Variants in PADI4 observed in about 807,000 individuals in gnomAD.
PADI4 encodes the protein protein-arginine deiminase type-4.
In PADI4, 62 loss-of-function variants were observed where a neutral mutation model predicts 75.0. That is an observed-to-expected ratio of 0.83 (90% CI 0.67 to 1.02). The LOEUF is 1.02. PADI4 is among the 50% of genes least tolerant of loss of function. The pLI, the probability that PADI4 is intolerant of heterozygous loss-of-function variation, is 0.00. For synonymous variants in PADI4, 361 were observed against 348.1 expected (o/e 1.04, Z -0.41); for missense variants, 845 against 850.5 (o/e 0.99, Z 0.08).
chr1:17,361,026 G>A (rs1222297301), intron 15 of PADI4, among the ~76,000 whole-genome samples: 1 of 152,108 alleles, frequency 6.6e-6, no homozygotes, highest in Non-Finnish European at 1.5e-5. Flanking sequence ...GACTTCACCC[G>A]GTCCTACTGG....
Position 17,356,249 on chromosome 1 carries a change from T to G in PADI4, c.1456-108T>G. 1 of 1,308,796 alleles carries G rather than the reference T, an allele frequency of 7.6e-7. No homozygotes were observed. Among genetic ancestry groups the G allele is most frequent in the Non-Finnish European group, 1.1e-6 (1 of 942,210 alleles). The allele number at this position is 1,308,796 out of a possible 1,614,324, so 81.1% of individuals were successfully genotyped here. ...ACCCTTAGGATGGCAGTAGAGGAGG[T>G]GGCCAGCTTGGGTCCAAGTCCACAC... On this transcript the variant is annotated intron_variant, in intron 12 of 15. Coordinates refer to ENST00000375448, the MANE Select transcript of PADI4 (RefSeq NM_012387.3). This position sits in a 1 kb window ranked among gnomAD's most constrained non-coding sequence, Gnocchi z 4.1.
intron 1 of PADI4, among the ~76,000 whole-genome samples, chr1:17,313,571 G>A (rs1175155390): frequency 2.6e-5 from 4 of 151,610 alleles, no homozygotes; most frequent in African/African-American, 9.7e-5. Flanking sequence ...AAAATGGGAG[G>A]CAGATTTGCA....
At chr1:17,330,395 G>A (rs533032902) in intron 1 of PADI4, among the ~76,000 whole-genome samples, 15 of 152,240 alleles carry the variant, frequency 9.9e-5, no homozygotes, top group African/African-American at 2.9e-4. Context: ...GAGTTTATTA[G>A]GGAGAACTGG....
intron 10 of PADI4, 148 bp downstream of exon 10, chr1:17,348,196 G>A (rs1034364421): frequency 5.1e-5 from 27 of 529,886 alleles, no homozygotes; most frequent in African/African-American, 4.8e-4. Context: ...GGAGCATGTA[G>A]GTGGGGCTTG....
chr1:17,338,710 G>T (rs1481729490), intron 5 of PADI4, among the ~76,000 whole-genome samples: 1 of 152,212 alleles, frequency 6.6e-6, no homozygotes, highest in Non-Finnish European at 1.5e-5. Flanking sequence ...AGGTTTAGAG[G>T]CATGAGGATG....
chr1:17,356,151 G>A lies in PADI4; in HGVS notation c.1455+24G>A. Reference sequence around the variant, plus strand: ...AGGTACAGTCTTGGGGGCTGCCTCAGGAAGCCATGCCTCCTTCCTGGGTAG... The same window carrying A: ...AGGTACAGTCTTGGGGGCTGCCTCAAGAAGCCATGCCTCCTTCCTGGGTAG... On this transcript the variant is annotated intron_variant, in intron 12 of 15. Coordinates refer to ENST00000375448, the MANE Select transcript of PADI4 (RefSeq NM_012387.3). This position sits in a 1 kb window ranked among gnomAD's most constrained non-coding sequence, Gnocchi z 4.1. 1.2e-6 allele frequency: 2 copies of A among 1,611,380 alleles called. No homozygotes were observed. The highest frequency in any genetic ancestry group is 1.1e-5 in the South Asian group (1 of 90,944).
At chr1:17,332,421 AT>A (rs1202318506) in intron 2 of PADI4, among the ~76,000 whole-genome samples, 3 of 151,238 alleles carry the variant, frequency 2.0e-5, no homozygotes, top group African/African-American at 7.3e-5. Context: ...TAATTTTTGT[AT>A]TTTTTTTAGT....
Position 17,363,695 on chromosome 1 carries a change from C to T in PADI4, c.1932C>T (p.His644=), listed in dbSNP as rs373693408. The T allele has an allele frequency of 7.4e-6, 12 of 1,614,076 alleles. No homozygotes were observed. The highest frequency in any genetic ancestry group is 9.3e-6 in the Non-Finnish European group (11 of 1,179,992). ...FTYHIRHGEV[H]CGTNVRRKPF... is the part of the protein sequence containing the mutation. ...ACCACATCAGGCATGGGGAGGTGCA[C>T]TGCGGCACCAACGTGCGCAGAAAGC... The change falls in exon 16 of 16, where the codon CAC becomes CAT. Residue 644 remains histidine, a synonymous_variant. Coordinates refer to ENST00000375448, the MANE Select transcript of PADI4 (RefSeq NM_012387.3).
At position 17,359,282 on chromosome 1, in the gene PADI4, A is replaced by G; in HGVS notation, c.1632A>G (p.Arg544=). The G allele has an allele frequency of 6.3e-7, 1 of 1,583,058 alleles. No individual in the cohort carries two copies. The highest frequency in any genetic ancestry group is 8.6e-7 in the Non-Finnish European group (1 of 1,163,024). Reference sequence around the variant, plus strand: ...ACTGCCCCTGCCCCTTCCCCAAGAGATGCATCGACTGGAACCGCGAGCTGC... The same window carrying G: ...ACTGCCCCTGCCCCTTCCCCAAGAGGTGCATCGACTGGAACCGCGAGCTGC... ...TLREHNSFVE[R]CIDWNRELLK... The change falls in exon 15 of 16, where the codon AGA becomes AGG. Residue 544 remains arginine (R), a splice_region_variant and synonymous_variant. Coordinates refer to ENST00000375448, the MANE Select transcript of PADI4 (RefSeq NM_012387.3).
At chr1:17,363,266 G>A (rs2074871524) in intron 15 of PADI4, among the ~76,000 whole-genome samples, 1 of 152,106 alleles carries the variant, frequency 6.6e-6, no homozygotes, top group African/African-American at 2.4e-5. Flanking sequence ...CCACAGGCAC[G>A]CACCACCATG....
chr1:17,354,020 A>G (rs1183561571), intron 10 of PADI4, among the ~76,000 whole-genome samples: 1 of 151,672 alleles, frequency 6.6e-6, no homozygotes, highest in South Asian at 2.1e-4. Context: ...CAGATGGATC[A>G]CTTGAGGTCA....
chr1:17,324,660 G>A (rs573977732), intron 1 of PADI4, among the ~76,000 whole-genome samples: 1 of 151,994 alleles, frequency 6.6e-6, no homozygotes, highest in Non-Finnish European at 1.5e-5. Context: ...TGAATTTTTT[G>A]ATCTTTTCCT....
chr1:17,359,217 T>TTCC, intron 14 of PADI4, 63 bp from the exon 15 acceptor site: 46 of 647,812 alleles, frequency 7.1e-5, no homozygotes, highest in Middle Eastern at 4.6e-4. Context: ...CCCCACACTG[T>TTCC]CCCCCACCCC....
Position 17,330,955 on chromosome 1 carries a change from T to C in PADI4, c.93-14T>C. The C allele has an allele frequency of 6.6e-7, 1 of 1,519,358 alleles. No homozygotes were observed. Among genetic ancestry groups the C allele is most frequent in the Non-Finnish European group, 8.8e-7 (1 of 1,137,372 alleles). The allele number at this position is 1,519,358 out of a possible 1,614,324, so 94.1% of individuals were successfully genotyped here. On this transcript the variant is annotated splice_polypyrimidine_tract_variant and intron_variant, in intron 1 of 15. Coordinates refer to ENST00000375448, the MANE Select transcript of PADI4 (RefSeq NM_012387.3). ...TCACTGCATCCTCTGCTTTCCCATG[T>C]GTCTTGTCCACAGCTCTGCCCCTGA...
Position 17,342,388 on chromosome 1 carries a change from G to T in PADI4, c.921G>T (p.Glu307Asp), listed in dbSNP as rs756513098. The change falls in exon 8 of 16, where the codon GAG becomes GAT. Residue 307 changes from glutamate to aspartate, a missense_variant. By Grantham distance (45) the Glu-to-Asp change is conservative. Coordinates refer to ENST00000375448, the MANE Select transcript of PADI4 (RefSeq NM_012387.3). ...IMTPNTQPPQ[E>D]VYACSIFENE... The stretch of plus-strand genomic sequence containing the variant: ...CCCCCAACACCCAGCCCCCGCAGGA[G>T]GTGTACGCGTGCAGGTGAGAGGTCC... 103 of 1,611,550 alleles carry T rather than the reference G, an allele frequency of 6.4e-5. No homozygotes were observed. The highest frequency in any genetic ancestry group is 8.7e-5 in the Non-Finnish European group (102 of 1,177,810).
At chr1:17,344,680 C>CT (rs2074484286) in intron 8 of PADI4, among the ~76,000 whole-genome samples, 1 of 152,186 alleles carries the variant, frequency 6.6e-6, no homozygotes, top group African/African-American at 2.4e-5. Context: ...AGGGTGGAAG[C>CT]CCCAAGCCTT....
At position 17,311,525 on chromosome 1, in the gene PADI4, C is replaced by CT. The variant is rs563562288; in HGVS notation, c.92+3225dup. On this transcript the variant is annotated intron_variant, in intron 1 of 15. Transcript: ENST00000375448. ...TTCTTCCTCCCAAAGTCTCCTTCTT[C>CT]TTTTTTTTTTTTTTAAAAACGGAGT... Among the ~76,000 whole-genome samples, 863 of 145,374 alleles carry CT rather than the reference C, an allele frequency of 5.9e-3. 6 individuals carry two copies. The highest frequency in any genetic ancestry group is 0.011 in the Middle Eastern group (3 of 282).
intron 6 of PADI4, 134 bp downstream of exon 6, chr1:17,339,947 C>G: frequency 2.2e-6 from 2 of 927,374 alleles, no homozygotes; most frequent in Non-Finnish European, 3.2e-6. Context: ...CAGCAGTGGG[C>G]AAGACAGACG....
chr1:17,354,037 C>T (rs756986474), intron 10 of PADI4, among the ~76,000 whole-genome samples: 7 of 151,088 alleles, frequency 4.6e-5, no homozygotes, highest in Non-Finnish European at 8.8e-5. Context: ...GTCAGGAATC[C>T]GAGACTAGAC....
Sources: allele counts gnomAD v4.1 joint callset (sites outside exome capture counted in the v4.1 genomes callset), GRCh38; gene constraint gnomAD v4.1.1; non-coding constraint Gnocchi (gnomAD v3.1); transcripts MANE v1.5; gene names NCBI Gene and HGNC (gene_info 2026-07-23, HGNC 2026-07-21).